Variants in RIF1 observed in about 807,000 individuals in gnomAD.
The protein encoded by RIF1 is telomere-associated protein RIF1.
A neutral mutation model predicts 247.1 loss-of-function variants in RIF1; 45 were observed. The ratio of observed to expected loss-of-function variants is 0.18; its 90% CI spans 0.14 to 0.23. The LOEUF is 0.23. RIF1 is among the 10% of genes least tolerant of loss of function. The pLI, the probability that RIF1 is intolerant of heterozygous loss-of-function variation, is 1.00. For synonymous variants in RIF1, 1,087 were observed against 978.8 expected, an observed-to-expected ratio of 1.11 and a Z score of -2.06; for missense variants, 2,967 against 2,862.5, an observed-to-expected ratio of 1.04 and a Z score of -0.83.
At chr2:151,490,159 C>CT (rs1323661739) in intron 9 of RIF1, 2 of 1,230,534 alleles carry the variant, frequency 1.6e-6, no homozygotes, top group Non-Finnish European at 2.3e-6. Flanking sequence ...TGAGTGATGT[C>CT]TTTTTCCCCC....
At position 151,445,374 on chromosome 2, in the gene RIF1, A is replaced by G; in HGVS notation, c.2023A>G (p.Asn675Asp). Residue 675 changes from asparagine to aspartate, a missense_variant, in exon 19 of 36, where the codon AAT becomes GAT. Transcript: ENST00000444746. ...AAATCAAGGTGATGCCTTAGAACAT[A>G]ATTTTAGTGCCATCTATGGTGCATT... ...EVNQGDALEH[N>D]FSAIYGALTL... The G allele has an allele frequency of 6.2e-7, 1 of 1,609,672 alleles. No individual in the cohort carries two copies. The highest frequency in any genetic ancestry group is 1.1e-5 in the South Asian group (1 of 90,982).
chr2:151,436,961 G>C lies in RIF1; in HGVS notation c.1330G>C (p.Ala444Pro). The C allele has an allele frequency of 6.2e-7, 1 of 1,613,750 alleles. No homozygotes were observed. Among genetic ancestry groups the C allele is most frequent in the Non-Finnish European group, 8.5e-7 (1 of 1,179,930 alleles). The change falls in exon 12 of 36, where the codon GCC becomes CCC. Residue 444 changes from alanine (A) to proline (P), a missense_variant. Physicochemically the swap from Ala to Pro is conservative, Grantham distance 27 (BLOSUM62 -1). This residue lies in a region of RIF1 where 369 missense variants were observed against 322.0 expected (regional missense o/e 1.15). Coordinates refer to ENST00000444746, the MANE Select transcript of RIF1 (RefSeq NM_018151.5). ...MLLHFLLGPEALSFAKQNKLV... is the reference protein window; with the variant it reads ...MLLHFLLGPEPLSFAKQNKLV... ...GCTTCATTTCTTGTTGGGTCCAGAAGCCTTGAGTTTTGCTAAGCAAAATAA... is the reference window on the plus strand; with the variant it reads ...GCTTCATTTCTTGTTGGGTCCAGAACCCTTGAGTTTTGCTAAGCAAAATAA...
At chr2:151,468,197 C>T in intron 31 of RIF1, 51 bp downstream of exon 31, 1 of 1,460,084 alleles carries the variant, frequency 6.8e-7, no homozygotes, top group Admixed American at 2.0e-5. Context: ...CACAGAATTA[C>T]ATGTACATGA....
rs1305092029 is a variant in RIF1, at chr2:151,475,782, G to A, written c.*711G>A. 3.9e-5 allele frequency: 6 copies of A among 152,474 alleles called. No homozygotes were observed. The highest frequency in any genetic ancestry group is 8.8e-5 in the Non-Finnish European group (6 of 68,002). 9.4% of individuals were successfully genotyped at this position (152,474 alleles called of 1,614,324 possible). ...GCATGATTGTACATTATGTATAGAC[G>A]ACAATGTTTTTAATTTATAAATTTC... On this transcript the variant is annotated 3_prime_UTR_variant, in exon 36 of 36. Coordinates refer to ENST00000444746, the MANE Select transcript of RIF1 (RefSeq NM_018151.5).
chr2:151,461,651 C>T (rs1211595126), intron 27 of RIF1, among the ~76,000 whole-genome samples: 1 of 152,138 alleles, frequency 6.6e-6, no homozygotes, highest in Non-Finnish European at 1.5e-5. Flanking sequence ...CTCGGCCTCC[C>T]AAAGTGCTGG....
In RIF1 at chr2:151,475,775, TATAGACGACA is replaced by T. The variant is rs1238336926; in HGVS notation, c.*707_*716del. The T allele has an allele frequency of 6.5e-6, 1 of 152,692 alleles. No individual in the cohort carries two copies. Among genetic ancestry groups the T allele is most frequent in the Non-Finnish European group, 1.5e-5 (1 of 68,044 alleles). The allele number at this position is 152,692 out of a possible 1,614,324, so 9.5% of individuals were successfully genotyped here. ...TTTAAATGCATGATTGTACATTATG[TATAGACGACA>T]ATGTTTTTAATTTATAAATTTCATT... On this transcript the variant is annotated 3_prime_UTR_variant, in exon 36 of 36. Coordinates refer to ENST00000444746, the MANE Select transcript of RIF1 (RefSeq NM_018151.5).
intron 9 of RIF1, chr2:151,490,456 C>A: frequency 1.2e-6 from 2 of 1,607,286 alleles, no homozygotes; most frequent in Non-Finnish European, 8.5e-7. Context: ...TTCTCCTCAC[C>A]CCCACTGATG....
chr2:151,436,919 T>C lies in RIF1; in HGVS notation c.1288T>C (p.Leu430=). 1 of 1,614,140 alleles carries C rather than the reference T, an allele frequency of 6.2e-7. No individual in the cohort carries two copies. The highest frequency in any genetic ancestry group is 8.5e-7 in the Non-Finnish European group (1 of 1,179,988). ...GMATIPSIQL[L]GLEMLLHFLL... ...GGCCACAATCCCATCCATTCAACTT[T>C]TGGGACTTGAAATGTTGCTTCATTT... The change falls in exon 12 of 36, where the codon TTG becomes CTG. Residue 430 remains leucine (L), a synonymous_variant. Coordinates refer to ENST00000444746, the MANE Select transcript of RIF1 (RefSeq NM_018151.5).
chr2:151,493,206 G>T, intron 9 of RIF1: 1 of 643,484 alleles, frequency 1.6e-6, no homozygotes, highest in Non-Finnish European at 2.6e-6. Flanking sequence ...TTTTTATGGT[G>T]TTAAAACGTT....
intron 3 of RIF1, among the ~76,000 whole-genome samples, chr2:151,411,806 C>G (rs1220012396): frequency 6.6e-6 from 1 of 152,200 alleles, no homozygotes; most frequent in Non-Finnish European, 1.5e-5. Flanking sequence ...CTTAAAGCTT[C>G]TCAGGTACTT....
chr2:151,424,807 T>C (rs1688723417), intron 8 of RIF1, among the ~76,000 whole-genome samples: 1 of 139,184 alleles, frequency 7.2e-6, no homozygotes, highest in African/African-American at 2.8e-5. Context: ...TACCTGGGAC[T>C]ACCACCCAGC....
intron 21 of RIF1, among the ~76,000 whole-genome samples, chr2:151,454,147 A>G (rs541173683): frequency 1.3e-4 from 20 of 152,344 alleles, no homozygotes; most frequent in Non-Finnish European, 2.4e-4. Flanking sequence ...TCATGTTACC[A>G]TATGAGATTA....
At position 151,465,453 on chromosome 2, in the gene RIF1, ATAC is replaced by A. The variant is rs1387710829; in HGVS notation, c.5937_5939del (p.Thr1980del). On this transcript the variant is annotated inframe_deletion, in exon 30 of 36. Transcript: ENST00000444746. ...AATTCAGATATTAGTCTTTCTGATA[ATAC>A]TACACCTGTAAAATTGAATGCTCAA... The A allele has an allele frequency of 3.7e-6, 6 of 1,614,098 alleles. No individual in the cohort carries two copies. The highest frequency in any genetic ancestry group is 2.2e-5 in the East Asian group (1 of 44,882).
the RIF1 span, among the ~76,000 whole-genome samples, chr2:151,515,872 G>C: frequency 6.6e-6 from 1 of 152,218 alleles, no homozygotes; most frequent in African/African-American, 2.4e-5. Context: ...TATAGTTGGA[G>C]GAAGAGAGGC....
intron 22 of RIF1, among the ~76,000 whole-genome samples, chr2:151,455,508 G>T (rs1187795593): frequency 6.6e-6 from 1 of 152,112 alleles, no homozygotes; most frequent in East Asian, 1.9e-4. Flanking sequence ...AATACAGTTG[G>T]CTGTTTGTAT....
In RIF1 at chr2:151,443,539, A is replaced by G. The variant is rs1692733345; in HGVS notation, c.1816A>G (p.Ser606Gly). The G allele has an allele frequency of 6.4e-7, 1 of 1,569,418 alleles. No individual in the cohort carries two copies. Among genetic ancestry groups the G allele is most frequent in the Admixed American group, 2.1e-5 (1 of 47,272 alleles). ...CGVSDERFFL[S>G]LESLVGCVLS... ...TAATTTTTTGTTCAGGTTCTTTCTC[A>G]GTTTGGAATCACTTGTAGGCTGTGT... The change falls in exon 18 of 36, where the codon AGT becomes GGT. Residue 606 changes from serine (S) to glycine (G), a missense_variant. This residue lies in a region of RIF1 where 369 missense variants were observed against 322.0 expected (regional missense o/e 1.15). Transcript: ENST00000444746.
At chr2:151,525,471 C>T in the RIF1 span, among the ~76,000 whole-genome samples, 26 of 152,284 alleles carry the variant, frequency 1.7e-4, no homozygotes, top group Middle Eastern at 3.4e-3. Flanking sequence ...TGGCAATCTT[C>T]GGAGAACCTG....
intron 23 of RIF1, 118 bp downstream of exon 23, chr2:151,456,738 C>T: frequency 5.2e-6 from 3 of 580,956 alleles, no homozygotes; most frequent in Non-Finnish European, 5.7e-6. Flanking sequence ...TTCTTTCTTT[C>T]TTTTTTTCCT....
chr2:151,434,001 G>T (rs1690670450), intron 10 of RIF1, among the ~76,000 whole-genome samples: 1 of 151,700 alleles, frequency 6.6e-6, no homozygotes, highest in Non-Finnish European at 1.5e-5. Context: ...GTGAAACCCC[G>T]TGTCTACTAA....
Sources: allele counts gnomAD v4.1 joint callset (sites outside exome capture counted in the v4.1 genomes callset), GRCh38; gene constraint gnomAD v4.1.1; regional missense constraint gnomAD v4.1.1; transcripts MANE v1.5; gene names NCBI Gene and HGNC (gene_info 2026-07-23, HGNC 2026-07-21).